MKNK1: variants seen among roughly 807,000 people sequenced by gnomAD.
The protein encoded by MKNK1 is MAPK interacting serine/threonine kinase 1.
MKNK1 carries 30 observed loss-of-function variants against 49.3 expected under a neutral mutation model. The ratio of observed to expected loss-of-function variants is 0.61; its 90% CI spans 0.46 to 0.83. The LOEUF (loss-of-function observed/expected upper bound fraction) is 0.83. MKNK1 is among the 40% of genes least tolerant of loss of function. The pLI is 0.00. For synonymous variants in MKNK1, 176 were observed against 201.7 expected, an observed-to-expected ratio of 0.87 and a Z score of 1.08; for missense variants, 423 against 524.7, an observed-to-expected ratio of 0.81 and a Z score of 1.89.
At chr1:46,586,070 A>C in intron 2 of MKNK1, 18 of 471,108 alleles carry the variant, frequency 3.8e-5, no homozygotes, top group Non-Finnish European at 6.5e-5. Flanking sequence ...TCATAATCTC[A>C]CCAAGGGGTC....
intron 8 of MKNK1, 31 bp from the exon 9 acceptor site, chr1:46,565,167 G>T (rs778139098): frequency 6.2e-7 from 1 of 1,602,886 alleles, no homozygotes; most frequent in South Asian, 1.1e-5. Flanking sequence ...CAGGGTCACA[G>T]ATATAAGAAA....
chr1:46,561,785 C>A, intron 10 of MKNK1, 143 bp from the exon 11 acceptor site: 1 of 817,996 alleles, frequency 1.2e-6, no homozygotes. Flanking sequence ...GGGGCCTCTT[C>A]CCAGACTCAC....
At chr1:46,595,360 T>C (rs1370741999) in intron 1 of MKNK1, among the ~76,000 whole-genome samples, 2 of 152,132 alleles carry the variant, frequency 1.3e-5, no homozygotes, top group African/African-American at 4.8e-5. Context: ...AAGTTGGGTG[T>C]GTTTCACCAT....
At chr1:46,580,760 A>G (rs1671611922) in intron 3 of MKNK1, 133 bp from the exon 4 acceptor site, 1 of 614,474 alleles carries the variant, frequency 1.6e-6, no homozygotes, top group East Asian at 2.8e-5. Flanking sequence ...CTCAGTGACA[A>G]GGAAGACAAG....
Position 46,572,079 on chromosome 1 carries a change from G to A in MKNK1, c.441C>T (p.Asp147=), listed in dbSNP as rs1242502549. 1 of 1,613,978 alleles carries A rather than the reference G, an allele frequency of 6.2e-7. No individual in the cohort carries two copies. The highest frequency in any genetic ancestry group is 1.3e-5 in the African/African-American group (1 of 74,922). The change falls in exon 7 of 13, where the codon GAC becomes GAT. Residue 147 remains aspartate (D), a synonymous_variant. Coordinates refer to ENST00000371945, the MANE Select transcript of MKNK1 (RefSeq NM_001135553.4). Reference sequence around the variant, plus strand: ...TGGGTTCACCTTTGGTATGCAGGAAGTCAAGGGCAGCAGCAACGTCCCGCA... The same window carrying A: ...TGGGTTCACCTTTGGTATGCAGGAAATCAAGGGCAGCAGCAACGTCCCGCA... ...RVVRDVAAAL[D]FLHTKGIAHR...
chr1:46,603,243 G>A (rs1674980152), intron 1 of MKNK1, among the ~76,000 whole-genome samples: 1 of 152,178 alleles, frequency 6.6e-6, no homozygotes. Flanking sequence ...GTGATCCAGT[G>A]AGACATTACA....
intron 2 of MKNK1, among the ~76,000 whole-genome samples, chr1:46,592,303 A>T (rs1673449009): frequency 6.6e-6 from 1 of 152,256 alleles, no homozygotes; most frequent in East Asian, 1.9e-4. Flanking sequence ...GGCTACTGGC[A>T]CAGTTCAGCA....
At chr1:46,592,691 A>C (rs1443340142) in intron 2 of MKNK1, among the ~76,000 whole-genome samples, 1 of 152,196 alleles carries the variant, frequency 6.6e-6, no homozygotes. Flanking sequence ...GAATGAAGTC[A>C]TCGAGGCAGA....
At chr1:46,563,753 G>A (rs1233703868) in intron 9 of MKNK1, among the ~76,000 whole-genome samples, 3 of 152,176 alleles carry the variant, frequency 2.0e-5, no homozygotes, top group Admixed American at 1.3e-4. Context: ...TGTCTTAAAA[G>A]GGTTATTAGG....
In MKNK1 at chr1:46,558,165, G is replaced by A. The variant is rs902172644; in HGVS notation, c.*410C>T. The A allele has an allele frequency of 5.9e-6, 1 of 170,222 alleles. No homozygotes were observed. 10.5% of individuals were successfully genotyped at this position (170,222 alleles called of 1,614,324 possible). A position where few individuals can be genotyped will look rare whatever the true frequency, so the allele number is the denominator to read the frequency against. ...CGCCAGAGGAGGGTGACAGAGAAGAGAGGGAAGAGGCACGTGTCGGCAGCC... is the reference window on the plus strand; with the variant it reads ...CGCCAGAGGAGGGTGACAGAGAAGAAAGGGAAGAGGCACGTGTCGGCAGCC... On this transcript the variant is annotated 3_prime_UTR_variant, in exon 13 of 13. Coordinates refer to ENST00000371945, the MANE Select transcript of MKNK1 (RefSeq NM_001135553.4).
At chr1:46,568,121 CAAAAA>C (rs10711362) in intron 8 of MKNK1, 2 of 143,052 alleles carry the variant, frequency 1.4e-5, no homozygotes, top group Non-Finnish European at 1.4e-5. Flanking sequence ...GACCCCGTCT[CAAAAA>C]AAAAAAAAAA....
At chr1:46,587,363 G>A (rs185682978) in intron 2 of MKNK1, among the ~76,000 whole-genome samples, 42 of 152,352 alleles carry the variant, frequency 2.8e-4, no homozygotes, top group Non-Finnish European at 2.1e-4. Flanking sequence ...TGACAGGGAA[G>A]GCACACAGGC....
chr1:46,575,440 G>C (rs753166417), intron 5 of MKNK1: 2 of 160,768 alleles, frequency 1.2e-5, no homozygotes, highest in Non-Finnish European at 2.7e-5. Context: ...CATAAATCAC[G>C]GGGCAGTATT....
chr1:46,568,401 G>A (rs761283401), intron 8 of MKNK1, 42 bp downstream of exon 8: 8 of 1,597,754 alleles, frequency 5.0e-6, no homozygotes, highest in Middle Eastern at 1.7e-4. Context: ...TGGCTTCCTC[G>A]GTAAGTATAA....
intron 2 of MKNK1, chr1:46,586,057 G>A (rs937225619): frequency 2.8e-5 from 16 of 578,236 alleles, no homozygotes; most frequent in South Asian, 2.3e-4. Flanking sequence ...GAAGCGAGAG[G>A]TGTCATAATC....
Position 46,565,486 on chromosome 1 carries a change from T to C in MKNK1, c.514-350A>G, listed in dbSNP as rs1450598146. The stretch of plus-strand genomic sequence containing the variant: ...TACTGTGTACTCCTGAGAGACAGAC[T>C]TCTTGCAGCCCATTCAGTGGAGTGT... On this transcript the variant is annotated intron_variant, in intron 8 of 12. Transcript: ENST00000371945. 28 of 301,738 alleles carry C rather than the reference T, an allele frequency of 9.3e-5. 1 individual carries two copies. The highest frequency in any genetic ancestry group is 7.7e-4 in the South Asian group (23 of 29,790). 18.7% of individuals were successfully genotyped at this position (301,738 alleles called of 1,614,324 possible). A position where few individuals can be genotyped will look rare whatever the true frequency, so the allele number is the denominator to read the frequency against.
chr1:46,572,544 C>T (rs907911504), intron 6 of MKNK1, among the ~76,000 whole-genome samples: 1 of 152,038 alleles, frequency 6.6e-6, no homozygotes, highest in Non-Finnish European at 1.5e-5. Flanking sequence ...GCCAAGTTTT[C>T]CCAAGTTTGG....
intron 8 of MKNK1, chr1:46,568,139 AT>A (rs1352679665): frequency 2.0e-5 from 5 of 245,572 alleles, no homozygotes; most frequent in Admixed American, 5.4e-5. Flanking sequence ...AAAAAAAAGT[AT>A]TTACGACTTC....
At position 46,589,056 on chromosome 1, in the gene MKNK1, C is replaced by T. The variant is rs1673003188; in HGVS notation, c.-3+5057G>A. 6.6e-6 allele frequency among the ~76,000 whole-genome samples: 1 copy of T among 152,240 alleles called. No homozygotes were observed. The highest frequency in any genetic ancestry group is 6.5e-5 in the Admixed American group (1 of 15,288). On this transcript the variant is annotated intron_variant, in intron 2 of 12. Coordinates refer to ENST00000371945, the MANE Select transcript of MKNK1 (RefSeq NM_001135553.4). The surrounding 1 kb of genome is among the most constrained non-coding windows in gnomAD (Gnocchi z 4.3). ...AGACTAGAAGTGAAAGCACCACTGA[C>T]TTACTCTTCAATAATGCTATATTTA...
Sources: gnomAD v4.1 joint callset for allele counts (sites outside exome capture counted in the v4.1 genomes callset) on GRCh38, gnomAD v4.1.1 for gene constraint, Gnocchi (gnomAD v3.1) non-coding constraint, MANE v1.5 for transcripts, NCBI Gene and HGNC (gene_info 2026-07-23, HGNC 2026-07-21) for gene names.